Variants in MYO3B observed in about 807,000 individuals in gnomAD.
MYO3B encodes myosin IIIB, also known as myosin-IIIb.
A neutral mutation model predicts 174.6 loss-of-function variants in MYO3B; 156 were observed. That is an observed-to-expected ratio of 0.89 (90% confidence interval 0.78 to 1.02). The LOEUF (loss-of-function observed/expected upper bound fraction) is 1.02, where lower values mean the gene tolerates loss of function less well. Ranked by LOEUF, MYO3B falls within the 50% of genes least tolerant of loss-of-function variation. The pLI, the probability that MYO3B is intolerant of heterozygous loss-of-function variation, is 0.00. For missense variants in MYO3B, 1,632 were observed against 1,639.4 expected, an observed-to-expected ratio of 1.00 and a Z score of 0.08; for synonymous variants, 563 against 569.1, an observed-to-expected ratio of 0.99 and a Z score of 0.15.
At chr2:170,317,720 A>G (rs2093785905) in intron 7 of MYO3B, among the ~76,000 whole-genome samples, 1 of 152,164 alleles carries the variant, frequency 6.6e-6, no homozygotes, top group Non-Finnish European at 1.5e-5. Context: ...CCCATGAGGC[A>G]GCTTACTATA....
intron 32 of MYO3B, among the ~76,000 whole-genome samples, chr2:170,566,650 A>C (rs999127959): frequency 6.6e-6 from 1 of 152,132 alleles, no homozygotes; most frequent in Admixed American, 6.5e-5. Context: ...AAAATATTGA[A>C]ATCTCTGGAG....
chr2:170,473,536 T>A (rs1194560696), intron 25 of MYO3B, among the ~76,000 whole-genome samples: 1 of 152,188 alleles, frequency 6.6e-6, no homozygotes, highest in East Asian at 1.9e-4. Context: ...ACTGGCTTTG[T>A]TGAGGTTAAG....
At chr2:170,300,210 A>G (rs1299747657) in intron 7 of MYO3B, among the ~76,000 whole-genome samples, 2 of 152,216 alleles carry the variant, frequency 1.3e-5, no homozygotes, top group African/African-American at 2.4e-5. Flanking sequence ...CTTTGGCCAA[A>G]GAAATGTGAG....
At chr2:170,264,142 G>A (rs1332926526) in intron 7 of MYO3B, among the ~76,000 whole-genome samples, 2 of 152,186 alleles carry the variant, frequency 1.3e-5, no homozygotes, top group Admixed American at 1.3e-4. Context: ...ACAGGGCTGG[G>A]GCTAGGGTTA....
intron 23 of MYO3B, among the ~76,000 whole-genome samples, chr2:170,447,291 G>A (rs933716565): frequency 2.6e-5 from 4 of 152,164 alleles, no homozygotes; most frequent in African/African-American, 7.2e-5. Context: ...GTACTCTAAC[G>A]ATGTTTGAGA....
intron 32 of MYO3B, among the ~76,000 whole-genome samples, chr2:170,636,019 C>CTGTT (rs1697437969): frequency 1.3e-5 from 2 of 152,148 alleles, no homozygotes; most frequent in African/African-American, 4.8e-5. Context: ...GCAAAGCTGT[C>CTGTT]TGTTTTTTTC....
intron 30 of MYO3B, chr2:170,524,566 C>A (rs563911367): frequency 5.2e-5 from 22 of 427,128 alleles, no homozygotes; most frequent in South Asian, 3.7e-4. Context: ...TGACTGCAAC[C>A]TCCGCCCTCT....
rs145288915 is a variant in MYO3B at position 170,303,001 on chromosome 2, C to T, written c.750-32384C>T. Among the ~76,000 whole-genome samples, 1,073 of 152,126 alleles carry T rather than the reference C, an allele frequency of 7.1e-3. 16 individuals are homozygous for T. Among genetic ancestry groups the T allele is most frequent in the African/African-American group, 0.023 (970 of 41,502 alleles). ...CTTGAGTCTACTGAAACAAACATGC[C>T]GCATTTTGTTTTACATAAAAGGCAC... is the stretch of plus-strand genomic sequence containing the variant. On this transcript the variant is annotated intron_variant, in intron 7 of 34. Transcript: ENST00000408978.
At chr2:170,537,823 T>C (rs1277351956) in intron 30 of MYO3B, among the ~76,000 whole-genome samples, 1 of 152,170 alleles carries the variant, frequency 6.6e-6, no homozygotes, top group East Asian at 1.9e-4. Context: ...TGCCTTTCTT[T>C]TGGGGCTACC....
intron 32 of MYO3B, among the ~76,000 whole-genome samples, chr2:170,633,317 T>TA (rs1279478222): frequency 6.6e-6 from 1 of 152,200 alleles, no homozygotes; most frequent in Non-Finnish European, 1.5e-5. Context: ...TGGTTCAACA[T>TA]ACGCAAATCA....
chr2:170,591,971 C>T (rs1443465196), intron 32 of MYO3B, among the ~76,000 whole-genome samples: 1 of 152,318 alleles, frequency 6.6e-6, no homozygotes, highest in South Asian at 2.1e-4. Flanking sequence ...TAAACACGTA[C>T]TCCATACCAA....
intron 32 of MYO3B, among the ~76,000 whole-genome samples, chr2:170,604,185 A>G (rs1002099480): frequency 6.6e-6 from 1 of 152,224 alleles, no homozygotes; most frequent in Non-Finnish European, 1.5e-5. Flanking sequence ...ACTTTATGCA[A>G]AAGCCTCCAT....
chr2:170,210,296 T>C (rs2105356636), intron 3 of MYO3B, among the ~76,000 whole-genome samples: 1 of 152,368 alleles, frequency 6.6e-6, no homozygotes, highest in Admixed American at 6.5e-5. Context: ...CCATCATTTG[T>C]TTAAACTGTC....
intron 25 of MYO3B, among the ~76,000 whole-genome samples, chr2:170,473,260 A>G (rs566023003): frequency 6.9e-6 from 1 of 145,670 alleles, no homozygotes; most frequent in East Asian, 2.0e-4. Context: ...CTCCTATCTC[A>G]GCCTCCCGAG....
chr2:170,490,639 GCTTTTCAC>G (rs1686409979), intron 25 of MYO3B, among the ~76,000 whole-genome samples: 2 of 152,124 alleles, frequency 1.3e-5, no homozygotes, highest in East Asian at 3.9e-4. Flanking sequence ...ATAGCATTCA[GCTTTTCAC>G]CATTAAATAT....
chr2:170,648,437 C>T (rs928468404), intron 32 of MYO3B, among the ~76,000 whole-genome samples: 8 of 151,714 alleles, frequency 5.3e-5, no homozygotes, highest in Non-Finnish European at 8.8e-5. Context: ...CGAGACCAGG[C>T]TGGGCAACAT....
At chr2:170,639,461 C>G (rs78749914) in intron 32 of MYO3B, among the ~76,000 whole-genome samples, 2,520 of 152,230 alleles carry the variant, frequency 0.017, 63 homozygotes, top group African/African-American at 0.057. Flanking sequence ...GTCATCTCCA[C>G]GTGAAAGTAC....
At chr2:170,375,021 C>A (rs1021810676) in intron 9 of MYO3B, among the ~76,000 whole-genome samples, 2 of 152,138 alleles carry the variant, frequency 1.3e-5, no homozygotes, top group African/African-American at 2.4e-5. Flanking sequence ...AAGGAGTAAG[C>A]CCTAAAGGGC....
Position 170,402,920 on chromosome 2 carries a change from T to G in MYO3B, c.2202T>G (p.Phe734Leu). The change falls in exon 19 of 35, where the codon TTT becomes TTG. Residue 734 changes from phenylalanine to leucine, a missense_variant. Phe to Leu is a conservative substitution (Grantham distance 22, BLOSUM62 0). Coordinates refer to ENST00000408978, the MANE Select transcript of MYO3B (RefSeq NM_138995.5). ...TCGAGAATTTTCAGAGAAATTCATT[T>G]GAGCAGCTCTGCATAAACATCGCCA... ...FGFENFQRNS[F>L]EQLCINIANE... 2 of 1,611,676 alleles carry G rather than the reference T, an allele frequency of 1.2e-6. No homozygotes were observed. The highest frequency in any genetic ancestry group is 1.7e-6 in the Non-Finnish European group (2 of 1,178,146).
Sources: gnomAD v4.1 joint callset for allele counts (sites outside exome capture counted in the v4.1 genomes callset) on GRCh38, gnomAD v4.1.1 for gene constraint, MANE v1.5 for transcripts, NCBI Gene and HGNC (gene_info 2026-07-23, HGNC 2026-07-21) for gene names.